ST18: variants seen among roughly 807,000 people sequenced by gnomAD.
The protein encoded by ST18 is suppression of tumorigenicity 18 protein.
ST18 carries 50 observed loss-of-function variants against 110.0 expected under a neutral mutation model. The ratio of observed to expected loss-of-function variants is 0.45; its 90% CI spans 0.36 to 0.58. The LOEUF (loss-of-function observed/expected upper bound fraction) is 0.58, where lower values mean the gene tolerates loss of function less well. ST18 is among the 20% of genes least tolerant of loss of function. The pLI is 0.00. For synonymous variants in ST18, 461 were observed against 452.4 expected (o/e 1.02, Z -0.24); for missense variants, 1,306 against 1,280.1 (o/e 1.02, Z -0.31).
At chr8:52,249,682 A>T (rs1589280008) in intron 2 of ST18, among the ~76,000 whole-genome samples, 1 of 152,040 alleles carries the variant, frequency 6.6e-6, no homozygotes, top group South Asian at 2.1e-4. Flanking sequence ...TAAAAAAATA[A>T]AAAAAATTAG....
At chr8:52,408,619 C>G (rs1222476916) in intron 2 of ST18, among the ~76,000 whole-genome samples, 1 of 152,216 alleles carries the variant, frequency 6.6e-6, no homozygotes, top group Non-Finnish European at 1.5e-5. Context: ...TCTACAATCC[C>G]AAGTACTGCG....
chr8:52,164,435 T>A (rs1012028804), intron 12 of ST18, among the ~76,000 whole-genome samples: 10 of 152,262 alleles, frequency 6.6e-5, no homozygotes, highest in Admixed American at 4.6e-4. Flanking sequence ...GCATAACTCC[T>A]TGACTTATCT....
intron 2 of ST18, among the ~76,000 whole-genome samples, chr8:52,343,517 A>G (rs1210630656): frequency 2.0e-5 from 3 of 152,220 alleles, no homozygotes; most frequent in East Asian, 3.9e-4. Flanking sequence ...TAAAAGTTCC[A>G]TTAGTCCTCC....
At chr8:52,365,022 G>T (rs1827267850) in intron 2 of ST18, among the ~76,000 whole-genome samples, 1 of 151,972 alleles carries the variant, frequency 6.6e-6, no homozygotes, top group South Asian at 2.1e-4. Flanking sequence ...GCAGAGGCAG[G>T]ATAATCGCTT....
At chr8:52,267,333 C>T (rs2094905266) in intron 2 of ST18, among the ~76,000 whole-genome samples, 1 of 151,840 alleles carries the variant, frequency 6.6e-6, no homozygotes, top group South Asian at 2.1e-4. Context: ...TAGGAGTACG[C>T]AGGAACCAGC....
chr8:52,322,181 T>C (rs994391584), intron 2 of ST18, among the ~76,000 whole-genome samples: 6 of 152,224 alleles, frequency 3.9e-5, no homozygotes, highest in African/African-American at 1.2e-4. Flanking sequence ...GAAGCTGGTA[T>C]GGAAGGCAAG....
intron 7 of ST18, among the ~76,000 whole-genome samples, chr8:52,213,430 C>T (rs1449918329): frequency 2.8e-5 from 4 of 143,970 alleles, no homozygotes. Context: ...CACAGCTTTT[C>T]CTCTGTGAGG....
At chr8:52,343,387 C>T (rs1816113082) in intron 2 of ST18, among the ~76,000 whole-genome samples, 1 of 152,168 alleles carries the variant, frequency 6.6e-6, no homozygotes, top group African/African-American at 2.4e-5. Context: ...GTGATCATAT[C>T]TTTTACTCAC....
intron 2 of ST18, among the ~76,000 whole-genome samples, chr8:52,371,776 T>C (rs533883082): frequency 1.3e-5 from 2 of 152,336 alleles, no homozygotes; most frequent in Admixed American, 6.5e-5. Flanking sequence ...CGCCTAGTGA[T>C]GTCACAGCCA....
At position 52,149,780 on chromosome 8, in the gene ST18, A is replaced by C; in HGVS notation, c.2004T>G (p.Thr668=). The part of the protein sequence containing the change: ...QALCDQEGWD[T]PINYSKTHGK... ...CGTGAGTTTTGCTATAGTTGATAGG[A>C]GTGTCCCAGCCCTCTTGGTCACAAA... The change falls in exon 16 of 26, where the codon ACT becomes ACG. Residue 668 remains threonine, a synonymous_variant. Coordinates refer to ENST00000689386, the MANE Select transcript of ST18 (RefSeq NM_001352837.2). The C allele has an allele frequency of 6.2e-7, 1 of 1,614,108 alleles. No homozygotes were observed. Among genetic ancestry groups the C allele is most frequent in the Non-Finnish European group, 8.5e-7 (1 of 1,179,990 alleles).
chr8:52,159,305 A>G (rs2060818392), intron 14 of ST18, among the ~76,000 whole-genome samples, 196 bp from the exon 15 acceptor site: 1 of 152,182 alleles, frequency 6.6e-6, no homozygotes, highest in Admixed American at 6.5e-5. Context: ...CAAATGACAT[A>G]ATTGCTGGGA....
chr8:52,179,178 C>G (rs2068310122), intron 9 of ST18, among the ~76,000 whole-genome samples: 2 of 151,984 alleles, frequency 1.3e-5, no homozygotes, highest in African/African-American at 4.8e-5. Flanking sequence ...TAATTGTTTT[C>G]TATAATTTTT....
intron 2 of ST18, among the ~76,000 whole-genome samples, chr8:52,262,750 T>C (rs1468354197): frequency 6.6e-6 from 1 of 152,218 alleles, no homozygotes; most frequent in Non-Finnish European, 1.5e-5. Flanking sequence ...ACTTTCTCTG[T>C]TTTGCCCAAG....
intron 2 of ST18, among the ~76,000 whole-genome samples, chr8:52,341,935 G>T (rs2140209308): frequency 6.6e-6 from 1 of 152,298 alleles, no homozygotes; most frequent in Non-Finnish European, 1.5e-5. Flanking sequence ...AAGGAAAATA[G>T]AAATCTGCTG....
chr8:52,218,183 T>C (rs1258650299), intron 5 of ST18, among the ~76,000 whole-genome samples: 1 of 152,058 alleles, frequency 6.6e-6, no homozygotes, highest in Non-Finnish European at 1.5e-5. Flanking sequence ...TCAACAGGGC[T>C]CTACACATTA....
intron 2 of ST18, among the ~76,000 whole-genome samples, chr8:52,387,695 C>T (rs1025103783): frequency 6.6e-6 from 1 of 152,034 alleles, no homozygotes; most frequent in Non-Finnish European, 1.5e-5. Context: ...AGTGTACGTT[C>T]ATAACAGTTA....
At chr8:52,323,855 T>C (rs375004530) in intron 2 of ST18, among the ~76,000 whole-genome samples, 4 of 152,200 alleles carry the variant, frequency 2.6e-5, no homozygotes, top group African/African-American at 9.6e-5. Context: ...TGGGCAAGTA[T>C]GACCTTTGGA....
rs141199853 is a variant in ST18, at chr8:52,371,766, C to T, written c.-465+37562G>A. Among the ~76,000 whole-genome samples, 479 of 152,268 alleles carry T rather than the reference C, an allele frequency of 3.1e-3. 3 individuals are homozygous for T. The highest frequency in any genetic ancestry group is 0.011 in the African/African-American group (455 of 41,550). Reference sequence around the variant, plus strand: ...TATAATGGAGTTGGAAAACTCCCATCGCCTAGTGATGTCACAGCCATCCTG... The same window carrying T: ...TATAATGGAGTTGGAAAACTCCCATTGCCTAGTGATGTCACAGCCATCCTG... On this transcript the variant is annotated intron_variant, in intron 2 of 25. Coordinates refer to ENST00000689386, the MANE Select transcript of ST18 (RefSeq NM_001352837.2).
At chr8:52,178,648 C>CAAAAAAAAAAAAAAAAAAAAAAAAA (rs2068035729) in intron 9 of ST18, among the ~76,000 whole-genome samples, 2 of 37,416 alleles carry the variant, frequency 5.3e-5, no homozygotes, top group East Asian at 7.5e-4. Context: ...AAAAAACCAC[C>CAAAAAAAAAAAAAAAAAAAAAAAAA]AAAAACCAAA....
Sources: allele counts gnomAD v4.1 joint callset (sites outside exome capture counted in the v4.1 genomes callset), GRCh38; gene constraint gnomAD v4.1.1; transcripts MANE v1.5; gene names NCBI Gene and HGNC (gene_info 2026-07-23, HGNC 2026-07-21).